OTOGL: variants seen among roughly 807,000 people sequenced by gnomAD.
The protein encoded by OTOGL is otogelin like, also known as otogelin-like protein.
Under a neutral mutation model 318.5 loss-of-function variants are expected in OTOGL, and 285 were observed. That is an observed-to-expected ratio of 0.89 (90% CI 0.81 to 0.99). The LOEUF (loss-of-function observed/expected upper bound fraction) is 0.99. Ranked by LOEUF, OTOGL falls within the 50% of genes least tolerant of loss-of-function variation. The pLI, the probability that OTOGL is intolerant of heterozygous loss-of-function variation, is 0.00. For synonymous variants in OTOGL, 987 were observed against 936.5 expected, an observed-to-expected ratio of 1.05 and a Z score of -0.99; for missense variants, 2,899 against 2,845.6, an observed-to-expected ratio of 1.02 and a Z score of -0.43.
Position 80,323,817 on chromosome 12 carries a change from A to G in OTOGL, c.4176A>G (p.Ala1392=). The G allele has an allele frequency of 1.2e-6, 2 of 1,612,548 alleles. No individual in the cohort carries two copies. The highest frequency in any genetic ancestry group is 1.7e-6 in the Non-Finnish European group (2 of 1,178,560). ...TTAAAACATGTAGTGACCCTGAAGC[A>G]CTAGCATGTAAATTTCTTCCACCGT... ...PCFKTCSDPE[A]LACKFLPPVE... The change falls in exon 35 of 59, where the codon GCA becomes GCG. Residue 1392 remains alanine (A), a synonymous_variant. Transcript: ENST00000547103.
intron 26 of OTOGL, among the ~76,000 whole-genome samples, chr12:80,283,745 G>A (rs1334808782): frequency 6.6e-6 from 1 of 152,054 alleles, no homozygotes; most frequent in Non-Finnish European, 1.5e-5. Flanking sequence ...CTTTCAATGT[G>A]AAGTTTTTAG....
intron 39 of OTOGL, 26 bp downstream of exon 39, chr12:80,336,166 A>AT: frequency 4.1e-6 from 6 of 1,448,338 alleles, no homozygotes; most frequent in East Asian, 4.9e-5. Context: ...TTAAGCGGTG[A>AT]TCTTTTTTTT....
chr12:80,323,787 C>A lies in OTOGL; in HGVS notation c.4146C>A (p.Pro1382=), dbSNP rs374853700. 386 of 1,613,748 alleles carry A rather than the reference C, an allele frequency of 2.4e-4. No individual in the cohort carries two copies. Among genetic ancestry groups the A allele is most frequent in the Non-Finnish European group, 5.3e-5 (63 of 1,179,762 alleles). Residue 1382 remains proline, a synonymous_variant, in exon 35 of 59, where the codon CCC becomes CCA. Coordinates refer to ENST00000547103, the MANE Select transcript of OTOGL (RefSeq NM_001378609.3). ...GGAGATATGAACCTTGTGCTACACC[C>A]TGTTTTAAAACATGTAGTGACCCTG... is the stretch of plus-strand genomic sequence containing the variant. ...CEWRYEPCAT[P]CFKTCSDPEA...
intron 1 of OTOGL, among the ~76,000 whole-genome samples, chr12:80,106,835 C>A (rs1869482407): frequency 6.6e-6 from 1 of 151,916 alleles, no homozygotes; most frequent in Non-Finnish European, 1.5e-5. Context: ...CAGTGAAATG[C>A]ATGACAATAT....
intron 1 of OTOGL, among the ~76,000 whole-genome samples, chr12:80,168,424 T>C (rs188792541): frequency 6.6e-5 from 10 of 152,326 alleles, no homozygotes; most frequent in Non-Finnish European, 1.3e-4. Context: ...CATATTTCAT[T>C]ATTTAAATCA....
chr12:80,249,932 G>T (rs909394384), intron 11 of OTOGL, among the ~76,000 whole-genome samples: 1 of 152,084 alleles, frequency 6.6e-6, no homozygotes, highest in Non-Finnish European at 1.5e-5. Context: ...GATTTTCCAG[G>T]TGCGTCCGTC....
At chr12:80,124,134 T>A (rs1189691897) in intron 1 of OTOGL, among the ~76,000 whole-genome samples, 1 of 152,212 alleles carries the variant, frequency 6.6e-6, no homozygotes, top group East Asian at 1.9e-4. Context: ...CCGAATGGTG[T>A]TGCCTAGGTT....
chr12:80,308,319 C>T (rs1886367797), intron 29 of OTOGL, among the ~76,000 whole-genome samples: 1 of 151,332 alleles, frequency 6.6e-6, no homozygotes, highest in Admixed American at 6.6e-5. Context: ...AGGGTCTCCT[C>T]ACTTCTCAGA....
chr12:80,226,630 C>T (rs1878883730), intron 7 of OTOGL, among the ~76,000 whole-genome samples: 1 of 152,060 alleles, frequency 6.6e-6, no homozygotes, highest in Non-Finnish European at 1.5e-5. Flanking sequence ...GAATTTTATT[C>T]TTCTCTCTCA....
intron 1 of OTOGL, among the ~76,000 whole-genome samples, chr12:80,156,170 A>G (rs1873102309): frequency 6.6e-6 from 1 of 152,186 alleles, no homozygotes; most frequent in Non-Finnish European, 1.5e-5. Context: ...GGCACAATCT[A>G]ATTAGCTGCC....
chr12:80,285,460 A>G (rs1013767887), intron 26 of OTOGL, among the ~76,000 whole-genome samples: 1 of 152,128 alleles, frequency 6.6e-6, no homozygotes, highest in Non-Finnish European at 1.5e-5. Context: ...TCTATAAATT[A>G]CTTTGGGCAG....
chr12:80,202,448 T>A (rs898131381), intron 1 of OTOGL, among the ~76,000 whole-genome samples: 4 of 152,038 alleles, frequency 2.6e-5, no homozygotes, highest in Non-Finnish European at 5.9e-5. Context: ...TTTTTTTGTA[T>A]TTTTAGTAGA....
chr12:80,145,014 C>T (rs994311873), intron 1 of OTOGL, among the ~76,000 whole-genome samples: 11 of 151,370 alleles, frequency 7.3e-5, no homozygotes, highest in African/African-American at 2.7e-4. Context: ...GTTGCCTGTT[C>T]ACTCTGATGG....
In OTOGL at chr12:80,302,645, T is replaced by A; in HGVS notation, c.3075T>A (p.Gly1025=). Residue 1025 remains glycine, a synonymous_variant, in exon 28 of 59, where the codon GGT becomes GGA. Transcript: ENST00000547103. ...TTTTTGTTTTTAAGAAACAATCAGGTTTTTTTCTGGAAAACAAATCTACCT... is the reference window on the plus strand; with the variant it reads ...TTTTTGTTTTTAAGAAACAATCAGGATTTTTTCTGGAAAACAAATCTACCT... ...NDTPYKQKQS[G]FFLENKSTYQ... is the part of the protein sequence containing the mutation. 1 of 1,372,926 alleles carries A rather than the reference T, an allele frequency of 7.3e-7. No homozygotes were observed. The highest frequency in any genetic ancestry group is 9.4e-7 in the Non-Finnish European group (1 of 1,059,472). 85.0% of individuals were successfully genotyped at this position (1,372,926 alleles called of 1,614,324 possible).
intron 1 of OTOGL, among the ~76,000 whole-genome samples, chr12:80,167,840 G>T (rs142346621): frequency 1.3e-5 from 2 of 152,140 alleles, no homozygotes; most frequent in East Asian, 3.9e-4. Context: ...GAAAATAAGT[G>T]CAAAAAGCCT....
intron 44 of OTOGL, among the ~76,000 whole-genome samples, chr12:80,348,839 C>T (rs1458965034): frequency 6.6e-6 from 1 of 152,026 alleles, no homozygotes; most frequent in Non-Finnish European, 1.5e-5. Context: ...TTGCTGTTTC[C>T]CCAGCTGGAA....
chr12:80,251,732 G>A lies in OTOGL; in HGVS notation c.1092G>A (p.Glu364=). The change falls in exon 12 of 59, where the codon GAG becomes GAA. Residue 364 remains glutamate (E), a synonymous_variant. Coordinates refer to ENST00000547103, the MANE Select transcript of OTOGL (RefSeq NM_001378609.3). ...AAACCTATTGCCGAGCAGCCACTGA[G>A]TATGCTAGAGCCTGCTCTCATGCTG... ...DDETYCRAAT[E]YARACSHAGY... The A allele has an allele frequency of 6.3e-7, 1 of 1,595,968 alleles. No homozygotes were observed. The highest frequency in any genetic ancestry group is 1.1e-5 in the South Asian group (1 of 87,596).
chr12:80,131,805 G>A (rs1871257190), intron 1 of OTOGL: 2 of 152,220 alleles, frequency 1.3e-5, no homozygotes, highest in East Asian at 1.9e-4. Context: ...TTGCAGATAT[G>A]AGTACTATTG....
At chr12:80,175,201 A>C (rs1241314760) in intron 1 of OTOGL, among the ~76,000 whole-genome samples, 1 of 152,150 alleles carries the variant, frequency 6.6e-6, no homozygotes, top group Non-Finnish European at 1.5e-5. Context: ...ATTTAGAATT[A>C]AATAATGTAG....
Sources: gnomAD v4.1 joint callset for allele counts (sites outside exome capture counted in the v4.1 genomes callset) on GRCh38, gnomAD v4.1.1 for gene constraint, MANE v1.5 for transcripts, NCBI Gene and HGNC (gene_info 2026-07-23, HGNC 2026-07-21) for gene names.